GPR149: variants seen among roughly 807,000 people sequenced by gnomAD.
GPR149 encodes the protein G protein-coupled receptor 149, also known as probable G protein-coupled receptor 149.
A neutral mutation model predicts 50.2 loss-of-function variants in GPR149; 50 were observed. The ratio of observed to expected loss-of-function variants is 1.00; its 90% CI spans 0.79 to 1.26. The LOEUF (loss-of-function observed/expected upper bound fraction) is 1.26. Among genes scored for constraint, GPR149 ranks in the 50% most tolerant of loss-of-function variants. The pLI is 0.00. For synonymous variants in GPR149, 405 were observed against 358.2 expected (o/e 1.13, Z -1.48); for missense variants, 983 against 895.4 (o/e 1.10, Z -1.25).
intron 3 of GPR149, among the ~76,000 whole-genome samples, chr3:154,341,333 A>ATATG (rs1713795451): frequency 1.9e-5 from 2 of 103,870 alleles, no homozygotes; most frequent in Non-Finnish European, 4.1e-5. Context: ...ATATATATAT[A>ATATG]TATATATAAA....
intron 3 of GPR149, among the ~76,000 whole-genome samples, chr3:154,396,897 A>ATT (rs1715305460): frequency 6.6e-6 from 1 of 151,042 alleles, no homozygotes; most frequent in Non-Finnish European, 1.5e-5. Context: ...TTTTTATTAT[A>ATT]TTATATATAT....
At chr3:154,393,010 C>T (rs1014405175) in intron 3 of GPR149, among the ~76,000 whole-genome samples, 2 of 151,906 alleles carry the variant, frequency 1.3e-5, no homozygotes, top group Admixed American at 6.6e-5. Flanking sequence ...CATCCAAAAA[C>T]GAATTAATGC....
intron 3 of GPR149, among the ~76,000 whole-genome samples, chr3:154,386,714 A>T (rs2108409708): frequency 6.6e-6 from 1 of 152,314 alleles, no homozygotes; most frequent in East Asian, 1.9e-4. Flanking sequence ...GCTGAAGAAA[A>T]CAAAAGATTA....
intron 3 of GPR149, among the ~76,000 whole-genome samples, chr3:154,407,583 A>G (rs1250129702): frequency 1.3e-5 from 2 of 151,822 alleles, no homozygotes; most frequent in African/African-American, 4.8e-5. Flanking sequence ...TGGAGGTATC[A>G]GTATAAACTT....
chr3:154,380,121 C>T (rs2673938), intron 3 of GPR149, among the ~76,000 whole-genome samples: 116,696 of 150,992 alleles, frequency 0.77, 46,011 homozygotes, highest in Middle Eastern at 0.91. Context: ...AGCTCTTATT[C>T]ATTAACACCT....
chr3:154,349,786 AAAT>A (rs1369957820), intron 3 of GPR149, among the ~76,000 whole-genome samples: 1 of 152,232 alleles, frequency 6.6e-6, no homozygotes, highest in Admixed American at 6.5e-5. Flanking sequence ...CACTACAAAA[AAAT>A]AAAACTATAG....
At chr3:154,372,406 A>C (rs1170204616) in intron 3 of GPR149, among the ~76,000 whole-genome samples, 1 of 152,046 alleles carries the variant, frequency 6.6e-6, no homozygotes, top group Non-Finnish European at 1.5e-5. Context: ...AATGTTAAAA[A>C]CCAGTTTTTC....
intron 3 of GPR149, among the ~76,000 whole-genome samples, chr3:154,416,759 T>C (rs528518072): frequency 1.3e-5 from 2 of 152,004 alleles, no homozygotes; most frequent in Admixed American, 1.3e-4. Flanking sequence ...ATGTAGTAAA[T>C]TTAAACACAA....
rs1203790376 is a variant in GPR149, at chr3:154,337,969, C to T, written c.1926G>A (p.Gln642=). The T allele has an allele frequency of 6.2e-7, 1 of 1,614,060 alleles. No individual in the cohort carries two copies. Among genetic ancestry groups the T allele is most frequent in the Non-Finnish European group, 8.5e-7 (1 of 1,179,984 alleles). Residue 642 remains glutamine (Q), a synonymous_variant, in exon 4 of 4, where the codon CAG becomes CAA. Transcript: ENST00000389740. ...DTVSIISNIS[Q]SSTQVRSPSL... ...ATGGAGATCTGACTTGTGTGGAGGA[C>T]TGACTGATGTTACTAATGATTGACA... is the stretch of plus-strand genomic sequence containing the variant.
intron 3 of GPR149, among the ~76,000 whole-genome samples, chr3:154,365,545 T>C (rs1047241544): frequency 4.6e-5 from 7 of 152,200 alleles, no homozygotes; most frequent in Non-Finnish European, 8.8e-5. Flanking sequence ...CCTTCTGCTC[T>C]ACTTTTGACC....
chr3:154,398,071 A>C lies in GPR149; in HGVS notation c.1623+22968T>G, dbSNP rs532866435. ...ATATCAGTAAAGGTCATATAAGCTT[A>C]TATATATACACACTTATACACATAC... On this transcript the variant is annotated intron_variant, in intron 3 of 3. Coordinates refer to ENST00000389740, the MANE Select transcript of GPR149 (RefSeq NM_001038705.3). 2.6e-5 allele frequency among the ~76,000 whole-genome samples: 4 copies of C among 152,246 alleles called. No individual in the cohort carries two copies. In the East Asian group the frequency reaches 7.7e-4, roughly 29 times the overall value.
chr3:154,383,317 T>C (rs1232523374), intron 3 of GPR149, among the ~76,000 whole-genome samples: 2 of 152,172 alleles, frequency 1.3e-5, no homozygotes, highest in African/African-American at 2.4e-5. Flanking sequence ...AGACTTAACA[T>C]ATCATCTCTG....
intron 3 of GPR149, among the ~76,000 whole-genome samples, chr3:154,385,005 A>G (rs1715015235): frequency 6.6e-6 from 1 of 152,236 alleles, no homozygotes; most frequent in Non-Finnish European, 1.5e-5. Context: ...TTTGATGAAT[A>G]TCTTTTGCGT....
intron 3 of GPR149, among the ~76,000 whole-genome samples, chr3:154,405,721 G>A (rs1165694018): frequency 2.0e-5 from 3 of 150,358 alleles, no homozygotes; most frequent in African/African-American, 4.9e-5. Flanking sequence ...ATAATAATAA[G>A]CAACCATTTG....
chr3:154,340,028 G>C (rs1344945033), intron 3 of GPR149, among the ~76,000 whole-genome samples: 1 of 151,900 alleles, frequency 6.6e-6, no homozygotes, highest in Non-Finnish European at 1.5e-5. Flanking sequence ...TCCTGACCTT[G>C]TGATCCTCCC....
intron 3 of GPR149, among the ~76,000 whole-genome samples, chr3:154,409,141 G>A (rs751234932): frequency 6.6e-6 from 1 of 152,188 alleles, no homozygotes; most frequent in Non-Finnish European, 1.5e-5. Context: ...AATCACTACA[G>A]TTTGGCCTCT....
At chr3:154,423,045 T>G (rs547013191) in intron 2 of GPR149, among the ~76,000 whole-genome samples, 1 of 152,044 alleles carries the variant, frequency 6.6e-6, no homozygotes, top group Admixed American at 6.6e-5. Flanking sequence ...AGTTGCACAT[T>G]GTAATCTCAA....
At chr3:154,401,345 G>A (rs1443501936) in intron 3 of GPR149, among the ~76,000 whole-genome samples, 1 of 152,208 alleles carries the variant, frequency 6.6e-6, no homozygotes. Context: ...GAGAATCTGT[G>A]TTTGCCCAGT....
chr3:154,357,807 T>G (rs1714275972), intron 3 of GPR149, among the ~76,000 whole-genome samples: 1 of 152,212 alleles, frequency 6.6e-6, no homozygotes, highest in Admixed American at 6.5e-5. Flanking sequence ...CCCAAAGGAT[T>G]ATAAATCATG....
Sources: allele counts gnomAD v4.1 joint callset (sites outside exome capture counted in the v4.1 genomes callset), GRCh38; gene constraint gnomAD v4.1.1; transcripts MANE v1.5; gene names NCBI Gene and HGNC (gene_info 2026-07-23, HGNC 2026-07-21).